Variants in SGCZ observed in about 807,000 individuals in gnomAD.
The protein encoded by SGCZ is zeta-sarcoglycan.
A neutral mutation model predicts 41.3 loss-of-function variants in SGCZ; 40 were observed. That is an observed-to-expected ratio of 0.97 (90% confidence interval 0.75 to 1.26). The LOEUF (loss-of-function observed/expected upper bound fraction) is 1.26, where lower values mean the gene tolerates loss of function less well. SGCZ is among the 50% of genes most tolerant of loss of function. The pLI is 0.00. For missense variants in SGCZ, 552 were observed against 369.8 expected (o/e 1.49, Z -4.04); for synonymous variants, 206 against 137.5 (o/e 1.50, Z -3.49).
intron 2 of SGCZ, among the ~76,000 whole-genome samples, chr8:14,464,923 C>T (rs1263687912): frequency 6.6e-6 from 1 of 151,416 alleles, no homozygotes; most frequent in East Asian, 1.9e-4. Context: ...TAATTTAATG[C>T]CATTGTGGTT....
chr8:14,614,211 C>T (rs575382950), intron 1 of SGCZ, among the ~76,000 whole-genome samples: 1 of 152,220 alleles, frequency 6.6e-6, no homozygotes, highest in African/African-American at 2.4e-5. Context: ...ACCTTTAGAA[C>T]CGAAAATGAA....
chr8:14,154,093 G>C (rs1212359212), intron 5 of SGCZ, among the ~76,000 whole-genome samples: 2 of 152,150 alleles, frequency 1.3e-5, no homozygotes, highest in South Asian at 4.2e-4. Flanking sequence ...ATTTCTGGCC[G>C]GGCCCGGTGG....
intron 1 of SGCZ, among the ~76,000 whole-genome samples, chr8:15,050,160 T>C (rs2130991920): frequency 6.6e-6 from 1 of 152,168 alleles, no homozygotes; most frequent in Non-Finnish European, 1.5e-5. Flanking sequence ...TAACAGAAAA[T>C]GATAAACAAT....
chr8:14,546,735 T>C (rs1026176096), intron 2 of SGCZ, among the ~76,000 whole-genome samples: 1 of 152,190 alleles, frequency 6.6e-6, no homozygotes, highest in African/African-American at 2.4e-5. Flanking sequence ...AATGGTGTTA[T>C]ATGAAAGCAC....
intron 1 of SGCZ, among the ~76,000 whole-genome samples, chr8:14,975,557 C>G (rs1015297929): frequency 3.9e-5 from 6 of 152,014 alleles, no homozygotes; most frequent in African/African-American, 1.4e-4. Flanking sequence ...ATTGTTTTCA[C>G]TGGATTGTAT....
intron 2 of SGCZ, among the ~76,000 whole-genome samples, chr8:14,426,249 CA>C (rs1156419271): frequency 6.6e-6 from 1 of 151,982 alleles, no homozygotes; most frequent in African/African-American, 2.4e-5. Context: ...TGTGGTACAT[CA>C]GATGGCAATA....
At chr8:14,933,760 T>A (rs182620201) in intron 1 of SGCZ, among the ~76,000 whole-genome samples, 2 of 151,998 alleles carry the variant, frequency 1.3e-5, no homozygotes, top group Admixed American at 1.3e-4. Flanking sequence ...CCTGCAGGAA[T>A]GATTTTTAAA....
At chr8:15,026,744 A>G (rs114175466) in intron 1 of SGCZ, among the ~76,000 whole-genome samples, 332 of 152,288 alleles carry the variant, frequency 2.2e-3, no homozygotes, top group African/African-American at 7.7e-3. Context: ...TTGTGCAAAT[A>G]AAGGCATTGC....
intron 1 of SGCZ, among the ~76,000 whole-genome samples, chr8:14,647,421 G>T (rs1029105319): frequency 3.9e-5 from 6 of 151,968 alleles, no homozygotes; most frequent in African/African-American, 1.4e-4. Flanking sequence ...TTATTTCACT[G>T]ATCTATTTAG....
chr8:14,357,191 T>G (rs2117120062), intron 2 of SGCZ, among the ~76,000 whole-genome samples: 1 of 152,292 alleles, frequency 6.6e-6, no homozygotes, highest in Non-Finnish European at 1.5e-5. Context: ...ACAGATACTT[T>G]CAAATACTGC....
chr8:15,108,304 T>G (rs1195842502), intron 1 of SGCZ, among the ~76,000 whole-genome samples: 1 of 152,184 alleles, frequency 6.6e-6, no homozygotes, highest in Non-Finnish European at 1.5e-5. Context: ...AGAAAGTGAT[T>G]AAATTTTTAT....
At chr8:14,675,066 G>T (rs1384653933) in intron 1 of SGCZ, among the ~76,000 whole-genome samples, 1 of 149,128 alleles carries the variant, frequency 6.7e-6, no homozygotes, top group Non-Finnish European at 1.5e-5. Context: ...AGCCTCAGGA[G>T]TTGCTGGGAC....
chr8:14,754,748 C>T (rs944415154), intron 1 of SGCZ, among the ~76,000 whole-genome samples: 3 of 152,110 alleles, frequency 2.0e-5, no homozygotes, highest in African/African-American at 4.8e-5. Context: ...TAATTTGTCA[C>T]CTAGGCTGGA....
At chr8:15,081,855 G>A (rs1204290199) in intron 1 of SGCZ, among the ~76,000 whole-genome samples, 1 of 152,108 alleles carries the variant, frequency 6.6e-6, no homozygotes, top group Non-Finnish European at 1.5e-5. Flanking sequence ...ATCATTGTAA[G>A]GAATTGATTT....
At position 14,914,168 on chromosome 8, in the gene SGCZ, T is replaced by C. The variant is rs142698144; in HGVS notation, c.39+323417A>G. On this transcript the variant is annotated intron_variant, in intron 1 of 7. Transcript: ENST00000382080. ...AAACTATATAACCTGCAACCATATA[T>C]ATCTCTATATATAAAATATAGTTAT... 5.6e-3 allele frequency among the ~76,000 whole-genome samples: 854 copies of C among 151,966 alleles called. 9 individuals carry two copies. Among genetic ancestry groups the C allele is most frequent in the East Asian group, 0.03 (153 of 5,166 alleles).
At chr8:14,976,655 T>C (rs571768518) in intron 1 of SGCZ, among the ~76,000 whole-genome samples, 1 of 152,262 alleles carries the variant, frequency 6.6e-6, no homozygotes, top group South Asian at 2.1e-4. Flanking sequence ...AAGAGAATAT[T>C]TGTGGCATTC....
At chr8:14,830,827 G>A (rs1026201072) in intron 1 of SGCZ, among the ~76,000 whole-genome samples, 5 of 151,948 alleles carry the variant, frequency 3.3e-5, no homozygotes, top group South Asian at 2.1e-4. Flanking sequence ...CACACTAAAC[G>A]AAAACATGTT....
At chr8:14,206,368 T>A (rs1334618453) in intron 4 of SGCZ, among the ~76,000 whole-genome samples, 1 of 152,152 alleles carries the variant, frequency 6.6e-6, no homozygotes, top group East Asian at 1.9e-4. Context: ...CACCTGTTGC[T>A]GAATAAAATA....
At chr8:14,367,626 T>C (rs1048325628) in intron 2 of SGCZ, among the ~76,000 whole-genome samples, 31 of 152,058 alleles carry the variant, frequency 2.0e-4, no homozygotes, top group African/African-American at 7.2e-4. Flanking sequence ...TCTTCCATGA[T>C]GGTAGGTGGG....
Sources: gnomAD v4.1 joint callset for allele counts (sites outside exome capture counted in the v4.1 genomes callset) on GRCh38, gnomAD v4.1.1 for gene constraint, MANE v1.5 for transcripts, NCBI Gene and HGNC (gene_info 2026-07-23, HGNC 2026-07-21) for gene names.